Variants in UBE2F observed in about 807,000 individuals in gnomAD.
UBE2F encodes the protein ubiquitin conjugating enzyme E2 F (putative), also known as NEDD8-conjugating enzyme UBE2F.
A neutral mutation model predicts 29.6 loss-of-function variants in UBE2F; 5 were observed. The ratio of observed to expected loss-of-function variants is 0.17; its 90% CI spans 0.09 to 0.36. The LOEUF (loss-of-function observed/expected upper bound fraction) is 0.36, where lower values mean the gene tolerates loss of function less well. Ranked by LOEUF, UBE2F falls within the 10% of genes least tolerant of loss-of-function variation. The pLI, the probability that UBE2F is intolerant of heterozygous loss-of-function variation, is 1.00. For synonymous variants in UBE2F, 66 were observed against 81.8 expected, an observed-to-expected ratio of 0.81 and a Z score of 1.04; for missense variants, 141 against 228.5, an observed-to-expected ratio of 0.62 and a Z score of 2.47.
In UBE2F at chr2:237,989,842, G is replaced by C. The variant is rs187703299; in HGVS notation, c.148+1850G>C. Among the ~76,000 whole-genome samples the C allele has an allele frequency of 2.0e-5, 3 of 152,004 alleles. No homozygotes were observed. The East Asian group carries it at 5.9e-4, about 30-fold the overall frequency. ...TGTTAAAAGGTTATCTTTCTGGCTG[G>C]GTGCAGTGGCTCACGCCTATATTCC... On this transcript the variant is annotated intron_variant, in intron 3 of 9. Coordinates refer to ENST00000272930, the MANE Select transcript of UBE2F (RefSeq NM_080678.3).
At chr2:238,029,315 G>A (rs868569399) in intron 6 of UBE2F, among the ~76,000 whole-genome samples, 7 of 152,084 alleles carry the variant, frequency 4.6e-5, no homozygotes, top group Admixed American at 1.3e-4. Context: ...ACGGCTGGGC[G>A]TGGTGGCTCA....
chr2:238,030,914 A>G (rs752532594), intron 7 of UBE2F, among the ~76,000 whole-genome samples: 1 of 152,258 alleles, frequency 6.6e-6, no homozygotes, highest in African/African-American at 2.4e-5. Context: ...CCTCATGGCC[A>G]TCATTCATTC....
At chr2:238,028,645 G>A (rs2064491691) in intron 6 of UBE2F, among the ~76,000 whole-genome samples, 1 of 152,156 alleles carries the variant, frequency 6.6e-6, no homozygotes, top group Non-Finnish European at 1.5e-5. Context: ...AAGGCTAAAA[G>A]TAAATTTTAA....
intron 2 of UBE2F, among the ~76,000 whole-genome samples, chr2:237,987,435 C>T (rs1343912577): frequency 6.6e-6 from 1 of 152,072 alleles, no homozygotes; most frequent in Non-Finnish European, 1.5e-5. Context: ...AGGATTGTGG[C>T]GAGGGTTTGC....
chr2:238,005,602 C>CT (rs932223416), intron 4 of UBE2F, among the ~76,000 whole-genome samples: 2 of 55,964 alleles, frequency 3.6e-5, no homozygotes, highest in African/African-American at 1.9e-4. Flanking sequence ...GTGTAGTTTT[C>CT]TGGTTTTTTT....
At chr2:238,009,754 T>TG (rs1372930888) in intron 4 of UBE2F, among the ~76,000 whole-genome samples, 1 of 152,268 alleles carries the variant, frequency 6.6e-6, no homozygotes, top group Non-Finnish European at 1.5e-5. Context: ...TCTCTGTCTC[T>TG]TCTCTTTCAA....
intron 5 of UBE2F, among the ~76,000 whole-genome samples, chr2:238,019,921 A>G (rs899419351): frequency 5.3e-5 from 8 of 151,974 alleles, no homozygotes; most frequent in Non-Finnish European, 8.8e-5. Context: ...GGCCTCCCAT[A>G]GTACTGGGAT....
At chr2:237,977,740 C>G (rs917119743) in intron 2 of UBE2F, among the ~76,000 whole-genome samples, 2 of 152,224 alleles carry the variant, frequency 1.3e-5, no homozygotes, top group South Asian at 4.2e-4. Context: ...GAAATCCAAA[C>G]TCCCTTTTGG....
At chr2:238,021,218 G>A (rs1055336099) in intron 5 of UBE2F, among the ~76,000 whole-genome samples, 5 of 152,214 alleles carry the variant, frequency 3.3e-5, no homozygotes, top group African/African-American at 4.8e-5. Context: ...ACCATGGCCA[G>A]CCCGGAGGGA....
chr2:237,984,096 C>T (rs1265537984), intron 2 of UBE2F, among the ~76,000 whole-genome samples: 1 of 151,768 alleles, frequency 6.6e-6, no homozygotes, highest in Non-Finnish European at 1.5e-5. Flanking sequence ...CCTACTCCTC[C>T]TCTTTGTCTC....
chr2:237,994,878 TCTTTG>T, intron 4 of UBE2F, 69 bp downstream of exon 4: 2 of 1,300,946 alleles, frequency 1.5e-6, no homozygotes, highest in African/African-American at 1.5e-5. Flanking sequence ...AAACCTGTAA[TCTTTG>T]CTTTGGTTTG....
In UBE2F at chr2:237,975,283, A is replaced by T. The variant is rs1559199399; in HGVS notation, c.118+2058A>T. ...TGCTTAGCTAGTCTTTTTATTTTTT[A>T]TTTTTTTGTAGAGATGGGGTTTCAT... On this transcript the variant is annotated intron_variant, in intron 2 of 9. Transcript: ENST00000272930. Among the ~76,000 whole-genome samples the T allele has an allele frequency of 1.3e-5, 2 of 149,374 alleles. 1 individual carries two copies. The highest frequency in any genetic ancestry group is 1.3e-4 in the Admixed American group (2 of 15,012).
At chr2:237,973,348 A>T in intron 2 of UBE2F, 123 bp downstream of exon 2, 1 of 1,125,924 alleles carries the variant, frequency 8.9e-7, no homozygotes. Context: ...AGATTTTAAA[A>T]TATAATTGCT....
chr2:237,990,265 G>T (rs898046994), intron 3 of UBE2F, among the ~76,000 whole-genome samples: 3 of 151,332 alleles, frequency 2.0e-5, no homozygotes, highest in African/African-American at 7.3e-5. Context: ...TGTTGAAGCT[G>T]GGGGATGGGT....
At chr2:238,026,732 C>T (rs1030835369) in intron 6 of UBE2F, among the ~76,000 whole-genome samples, 31 of 152,152 alleles carry the variant, frequency 2.0e-4, no homozygotes, top group Admixed American at 3.9e-4. Context: ...CGCGCCGGGC[C>T]GGATGCCTTT....
chr2:238,009,130 T>G (rs543847869), intron 4 of UBE2F, among the ~76,000 whole-genome samples: 18 of 152,362 alleles, frequency 1.2e-4, no homozygotes, highest in Non-Finnish European at 2.4e-4. Flanking sequence ...CGATGTGCAT[T>G]TTATTCTCTG....
intron 8 of UBE2F, among the ~76,000 whole-genome samples, chr2:238,034,077 C>G (rs576262340): frequency 7.2e-5 from 11 of 152,020 alleles, no homozygotes; most frequent in African/African-American, 2.7e-4. Flanking sequence ...TAACTGGCAA[C>G]TTGCTGCAGG....
At chr2:237,981,862 T>C (rs1043800728) in intron 2 of UBE2F, among the ~76,000 whole-genome samples, 1 of 152,012 alleles carries the variant, frequency 6.6e-6, no homozygotes, top group East Asian at 1.9e-4. Flanking sequence ...CCTGAGCTCA[T>C]GCGATCTGCC....
chr2:238,008,560 T>C (rs931583539), intron 4 of UBE2F, among the ~76,000 whole-genome samples: 1 of 152,216 alleles, frequency 6.6e-6, no homozygotes, highest in African/African-American at 2.4e-5. Context: ...TCTTTTTCTC[T>C]TGATCAGGTT....
Sources: gnomAD v4.1 joint callset for allele counts (sites outside exome capture counted in the v4.1 genomes callset) on GRCh38, gnomAD v4.1.1 for gene constraint, MANE v1.5 for transcripts, NCBI Gene and HGNC (gene_info 2026-07-23, HGNC 2026-07-21) for gene names.